The following TAFA2 variants were observed in gnomAD, a reference collection of about 807,000 sequenced individuals.
TAFA2 encodes chemokine-like protein TAFA-2.
Under a neutral mutation model 18.8 loss-of-function variants are expected in TAFA2, and 7 were observed. The ratio of observed to expected loss-of-function variants is 0.37; its 90% CI spans 0.21 to 0.70. The LOEUF (loss-of-function observed/expected upper bound fraction) is 0.70, where lower values mean the gene tolerates loss of function less well. TAFA2 is among the 30% of genes least tolerant of loss of function. The probability of loss-of-function intolerance (pLI) is 0.53; values close to 1 mark genes in which losing one functional copy is unlikely to be tolerated. For synonymous variants in TAFA2, 60 were observed against 54.2 expected, an observed-to-expected ratio of 1.11 and a Z score of -0.47; for missense variants, 122 against 158.1, an observed-to-expected ratio of 0.77 and a Z score of 1.23.
At chr12:61,937,558 G>T (rs1010364798) in intron 1 of TAFA2, among the ~76,000 whole-genome samples, 2 of 152,026 alleles carry the variant, frequency 1.3e-5, no homozygotes, top group Non-Finnish European at 2.9e-5. Flanking sequence ...TTGGCAAAAG[G>T]ACACACCCTA....
rs560073730 is a variant in TAFA2, at chr12:62,058,260, T to C, written c.-2+132999A>G. On this transcript the variant is annotated intron_variant, in intron 1 of 4. Transcript: ENST00000416284. ...GGGCCTTTAGTGAGATTTCCGTTTG[T>C]TCACTTGGGATTCCTTGGGTTTTCC... is the stretch of plus-strand genomic sequence containing the variant. Among the ~76,000 whole-genome samples the C allele has an allele frequency of 9.9e-4, 151 of 152,304 alleles. 1 individual carries two copies. The highest frequency in any genetic ancestry group is 3.5e-3 in the African/African-American group (146 of 41,572).
intron 2 of TAFA2, among the ~76,000 whole-genome samples, chr12:61,839,143 A>G (rs1873066582): frequency 6.6e-6 from 1 of 152,104 alleles, no homozygotes; most frequent in Non-Finnish European, 1.5e-5. Context: ...AGGAACTTAC[A>G]GTCTGGTGAG....
chr12:62,153,921 A>ATTATGTTATGTTATGTTACGTTATG (rs2062348415), intron 1 of TAFA2, among the ~76,000 whole-genome samples: 1 of 124,024 alleles, frequency 8.1e-6, no homozygotes, highest in African/African-American at 3.2e-5. Flanking sequence ...ACATAACAAA[A>ATTATGTTATGTTATGTTACGTTATG]TTATGTTATG....
At chr12:62,212,831 C>T (rs1309401626) in intron 1 of TAFA2, among the ~76,000 whole-genome samples, 3 of 152,030 alleles carry the variant, frequency 2.0e-5, no homozygotes. Flanking sequence ...TTAATGATTG[C>T]ATTAATGAGA....
chr12:62,068,147 CT>C (rs1882540229), intron 1 of TAFA2, among the ~76,000 whole-genome samples: 1 of 152,006 alleles, frequency 6.6e-6, no homozygotes, highest in African/African-American at 2.4e-5. Flanking sequence ...ACCTTCCTCA[CT>C]TTGAAAATAC....
At chr12:61,781,512 T>C (rs1471652155) in intron 2 of TAFA2, among the ~76,000 whole-genome samples, 1 of 151,790 alleles carries the variant, frequency 6.6e-6, no homozygotes, top group Non-Finnish European at 1.5e-5. Context: ...AATCTGACAT[T>C]GCTTTTCCAT....
chr12:61,832,757 T>C (rs1466321733), intron 2 of TAFA2, among the ~76,000 whole-genome samples: 1 of 151,940 alleles, frequency 6.6e-6, no homozygotes, highest in African/African-American at 2.4e-5. Flanking sequence ...GGACTTATGA[T>C]TCTCTTCCTA....
intron 1 of TAFA2, among the ~76,000 whole-genome samples, chr12:62,131,773 G>C (rs1870695663): frequency 6.6e-6 from 1 of 151,956 alleles, no homozygotes; most frequent in African/African-American, 2.4e-5. Context: ...AGATATGTTT[G>C]TATAACTTCA....
At chr12:62,149,103 G>T (rs541641408) in intron 1 of TAFA2, among the ~76,000 whole-genome samples, 1 of 152,284 alleles carries the variant, frequency 6.6e-6, no homozygotes, top group African/African-American at 2.4e-5. Context: ...ATTTATTAAC[G>T]TATCATTTGC....
intron 4 of TAFA2, among the ~76,000 whole-genome samples, chr12:61,715,615 G>T (rs1199656454): frequency 1.3e-5 from 2 of 151,892 alleles, no homozygotes; most frequent in South Asian, 4.1e-4. Flanking sequence ...GCTTCCCAAA[G>T]TGCTAGGTTT....
At chr12:62,222,545 T>C (rs2062767609) in intron 1 of TAFA2, among the ~76,000 whole-genome samples, 1 of 152,052 alleles carries the variant, frequency 6.6e-6, no homozygotes, top group Non-Finnish European at 1.5e-5. Context: ...TCTTGCTCTG[T>C]CGCCCAGGCT....
At chr12:62,184,809 CTTTAT>C (rs1464864755) in intron 1 of TAFA2, among the ~76,000 whole-genome samples, 1 of 152,132 alleles carries the variant, frequency 6.6e-6, no homozygotes, top group African/African-American at 2.4e-5. Context: ...TGAAAAAACA[CTTTAT>C]TTTAATTGTC....
chr12:61,774,321 C>G (rs1006001243), intron 2 of TAFA2, among the ~76,000 whole-genome samples: 3 of 151,780 alleles, frequency 2.0e-5, no homozygotes, highest in African/African-American at 7.2e-5. Flanking sequence ...CAATCTTACT[C>G]CTGGTATCTA....
intron 1 of TAFA2, among the ~76,000 whole-genome samples, chr12:62,075,759 C>G (rs149184415): frequency 4.6e-5 from 7 of 152,212 alleles, no homozygotes; most frequent in Admixed American, 6.5e-5. Context: ...CTCTTGCAGA[C>G]TTATTAATCC....
intron 1 of TAFA2, among the ~76,000 whole-genome samples, chr12:62,087,821 C>T (rs1173810873): frequency 6.6e-6 from 1 of 152,072 alleles, no homozygotes; most frequent in African/African-American, 2.4e-5. Context: ...AGGAGTTGTT[C>T]TAACAGTAGG....
chr12:62,061,926 A>G (rs1882359307), intron 1 of TAFA2, among the ~76,000 whole-genome samples: 1 of 152,148 alleles, frequency 6.6e-6, no homozygotes, highest in Non-Finnish European at 1.5e-5. Flanking sequence ...AGAGCGGAGA[A>G]GACGCAGCAC....
intron 1 of TAFA2, chr12:61,878,246 T>C (rs1218599926): frequency 1.7e-5 from 6 of 346,552 alleles, no homozygotes; most frequent in Non-Finnish European, 3.4e-5. Context: ...ATGTACAACA[T>C]TGTGAATGTA....
intron 4 of TAFA2, among the ~76,000 whole-genome samples, chr12:61,737,866 T>C (rs911173261): frequency 1.3e-5 from 2 of 152,052 alleles, no homozygotes; most frequent in African/African-American, 4.8e-5. Context: ...ACTATCATTA[T>C]CCTTCACAAA....
chr12:62,090,068 T>C (rs1346228366), intron 1 of TAFA2, among the ~76,000 whole-genome samples: 1 of 152,098 alleles, frequency 6.6e-6, no homozygotes, highest in Non-Finnish European at 1.5e-5. Flanking sequence ...CACACATAGC[T>C]ACCTCCAGGC....
Sources: allele counts gnomAD v4.1 joint callset (sites outside exome capture counted in the v4.1 genomes callset), GRCh38; gene constraint gnomAD v4.1.1; transcripts MANE v1.5; gene names NCBI Gene and HGNC (gene_info 2026-07-23, HGNC 2026-07-21).